TNC: variants seen among roughly 807,000 people sequenced by gnomAD.
TNC encodes tenascin.
A neutral mutation model predicts 202.4 loss-of-function variants in TNC; 109 were observed. That is an observed-to-expected ratio of 0.54 (90% CI 0.46 to 0.63). The LOEUF (loss-of-function observed/expected upper bound fraction) is 0.63. Among genes scored for constraint, TNC ranks in the 30% least tolerant of loss-of-function variants. The pLI is 0.00. For synonymous variants in TNC, 1,007 were observed against 1,089.7 expected (o/e 0.92, Z 1.50); for missense variants, 2,756 against 2,833.3 (o/e 0.97, Z 0.62).
At chr9:115,042,386 T>C in intron 17 of TNC, 45 bp from the exon 18 acceptor site, 1 of 1,604,220 alleles carries the variant, frequency 6.2e-7, no homozygotes, top group Non-Finnish European at 8.5e-7. Flanking sequence ...CAGTTAACTG[T>C]CTTGTTCATC....
intron 6 of TNC, among the ~76,000 whole-genome samples, chr9:115,080,944 C>A (rs895537630): frequency 2.0e-5 from 3 of 151,624 alleles, no homozygotes; most frequent in Non-Finnish European, 4.4e-5. Flanking sequence ...AAATTCAGGT[C>A]TTTTTCTCAC....
At chr9:115,021,455 C>T (rs1829065387) in intron 27 of TNC, among the ~76,000 whole-genome samples, 188 bp from the exon 28 acceptor site, 1 of 152,176 alleles carries the variant, frequency 6.6e-6, no homozygotes, top group Non-Finnish European at 1.5e-5. Context: ...GTTGTGGAAA[C>T]TTTCAAAGGA....
In TNC at chr9:115,051,187, C is replaced by T. The variant is rs117737481; in HGVS notation, c.4580-2655G>A. ...TGAAGTTTTTGCTGCCACCATTTGG[C>T]AGCATTTGCCAAATTGAACATTGGC... On this transcript the variant is annotated intron_variant, in intron 15 of 27. Coordinates refer to ENST00000350763, the MANE Select transcript of TNC (RefSeq NM_002160.4). 2.4e-4 allele frequency among the ~76,000 whole-genome samples: 37 copies of T among 152,200 alleles called. No homozygotes were observed. The East Asian group carries it at 7.0e-3, about 29-fold the overall frequency.
At chr9:115,082,591 C>G in intron 5 of TNC, 101 bp downstream of exon 5, 1 of 800,000 alleles carries the variant, frequency 1.3e-6, no homozygotes, top group Non-Finnish European at 2.0e-6. Flanking sequence ...TGTCCTCCAC[C>G]AAAAACTAAG....
intron 17 of TNC, among the ~76,000 whole-genome samples, chr9:115,044,771 T>C (rs1831050768): frequency 6.6e-6 from 1 of 152,118 alleles, no homozygotes; most frequent in Non-Finnish European, 1.5e-5. Flanking sequence ...GTGTCCCTGT[T>C]AATAAGAAAC....
At chr9:115,061,670 G>A (rs1289843989) in intron 13 of TNC, among the ~76,000 whole-genome samples, 1 of 152,190 alleles carries the variant, frequency 6.6e-6, no homozygotes, top group Non-Finnish European at 1.5e-5. Flanking sequence ...TGAGTGATTT[G>A]GATTGCATTA....
intron 1 of TNC, among the ~76,000 whole-genome samples, chr9:115,108,203 C>T (rs1192352749): frequency 3.3e-5 from 5 of 152,164 alleles, no homozygotes; most frequent in Non-Finnish European, 7.4e-5. Flanking sequence ...TCTAGATGAA[C>T]AAGAGCAAAT....
Position 115,086,966 on chromosome 9 carries a change from G to C in TNC, c.765C>G (p.Pro255=), listed in dbSNP as rs762698966. Residue 255 remains proline, a synonymous_variant, in exon 3 of 28, where the codon CCC becomes CCG. Coordinates refer to ENST00000350763, the MANE Select transcript of TNC (RefSeq NM_002160.4). Reference sequence around the variant, plus strand: ...CACATGTGCCGTGCTCCTCACTGCAGGGCACTGGGCAGATTTCACGGCTGC... The same window carrying C: ...CACATGTGCCGTGCTCCTCACTGCACGGCACTGGGCAGATTTCACGGCTGC... The part of the protein sequence containing the change: ...ADCSREICPV[P]CSEEHGTCVD... 3 of 1,614,210 alleles carry C rather than the reference G, an allele frequency of 1.9e-6. No individual in the cohort carries two copies. In the Admixed American group the frequency reaches 5.0e-5, roughly 27 times the overall value.
intron 10 of TNC, among the ~76,000 whole-genome samples, chr9:115,066,989 A>G (rs1341400085): frequency 2.0e-5 from 3 of 152,148 alleles, no homozygotes; most frequent in African/African-American, 7.2e-5. Context: ...TTTAACCCCG[A>G]CTCATATCCT....
chr9:115,075,964 GCCACATTGA>G, intron 9 of TNC, 59 bp downstream of exon 9: 1 of 1,399,184 alleles, frequency 7.1e-7, no homozygotes, highest in Non-Finnish European at 1.0e-6. Flanking sequence ...ATAGGTTTTG[GCCACATTGA>G]CTCTGTCTCA....
intron 25 of TNC, among the ~76,000 whole-genome samples, chr9:115,028,423 A>G (rs2131601530): frequency 6.6e-6 from 1 of 152,196 alleles, no homozygotes; most frequent in East Asian, 1.9e-4. Flanking sequence ...GCTCTAAGAA[A>G]CCCATCTTAG....
intron 1 of TNC, among the ~76,000 whole-genome samples, chr9:115,092,720 C>T (rs1051713390): frequency 4.0e-5 from 6 of 151,544 alleles, no homozygotes; most frequent in African/African-American, 1.5e-4. Context: ...ATTTCAGGTG[C>T]ACACTGCCAT....
Position 115,049,592 on chromosome 9 carries a change from G to C in TNC, c.4580-1060C>G, listed in dbSNP as rs573248578. Among the ~76,000 whole-genome samples, 6 of 152,124 alleles carry C rather than the reference G, an allele frequency of 3.9e-5. No individual in the cohort carries two copies. The East Asian group carries it at 1.2e-3, about 29-fold the overall frequency. On this transcript the variant is annotated intron_variant, in intron 15 of 27. Transcript: ENST00000350763. ...AGTGATGGCAATCCTGAGGGATAAGGAGGATTAGTGGAGAAGGTTCAGCGT... is the reference window on the plus strand; with the variant it reads ...AGTGATGGCAATCCTGAGGGATAAGCAGGATTAGTGGAGAAGGTTCAGCGT...
chr9:115,060,935 C>T (rs1832494746), intron 13 of TNC, among the ~76,000 whole-genome samples: 1 of 152,126 alleles, frequency 6.6e-6, no homozygotes. Context: ...AGATTTTTCT[C>T]AGTAAATGGT....
At position 115,021,129 on chromosome 9, in the gene TNC, T is replaced by A; in HGVS notation, c.*28A>T. ...ATCCTTTCCTCGCTCTGGGCCTTAT[T>A]CCTCTCTCACCCAGTGGTCCCTGGA... On this transcript the variant is annotated 3_prime_UTR_variant, in exon 28 of 28. Coordinates refer to ENST00000350763, the MANE Select transcript of TNC (RefSeq NM_002160.4). 6.4e-7 allele frequency: 1 copy of A among 1,564,052 alleles called. No individual in the cohort carries two copies. Among genetic ancestry groups the A allele is most frequent in the Non-Finnish European group, 8.8e-7 (1 of 1,135,078 alleles).
chr9:115,084,992 G>A (rs570938485), intron 3 of TNC, among the ~76,000 whole-genome samples: 4 of 152,128 alleles, frequency 2.6e-5, no homozygotes, highest in Non-Finnish European at 4.4e-5. Context: ...CCCTGCTTGC[G>A]CCACATTGAA....
chr9:115,062,608 CAA>C (rs11323889), intron 13 of TNC, among the ~76,000 whole-genome samples: 271 of 114,418 alleles, frequency 2.4e-3, no homozygotes, highest in African/African-American at 4.1e-3. Context: ...GACCCTGACT[CAA>C]AAAAAAAAAA....
At position 115,050,278 on chromosome 9, in the gene TNC, A is replaced by G. The variant is rs149445063; in HGVS notation, c.4580-1746T>C. Among the ~76,000 whole-genome samples, 1,423 of 152,270 alleles carry G rather than the reference A, an allele frequency of 9.3e-3. 22 individuals carry two copies. The highest frequency in any genetic ancestry group is 0.032 in the African/African-American group (1,326 of 41,548). Reference sequence around the variant, plus strand: ...TTCTTTTTTAATATGCTTCTTTTAAAACGCAATCTTTTCACATCATGGATT... The same window carrying G: ...TTCTTTTTTAATATGCTTCTTTTAAGACGCAATCTTTTCACATCATGGATT... On this transcript the variant is annotated intron_variant, in intron 15 of 27. Transcript: ENST00000350763.
In TNC at chr9:115,078,136, CA is replaced by C; in HGVS notation, c.2480del (p.Leu827ArgfsTer9). 1 of 1,614,160 alleles carries C rather than the reference CA, an allele frequency of 6.2e-7. No homozygotes were observed. The highest frequency in any genetic ancestry group is 8.5e-7 in the Non-Finnish European group (1 of 1,180,014). On this transcript the variant is annotated frameshift_variant, in exon 7 of 28. Coordinates refer to ENST00000350763, the MANE Select transcript of TNC (RefSeq NM_002160.4). LOFTEE classifies it high-confidence loss of function. ...TCAGCTCAATGCCATCGATCTCAGC[CA>C]GGGGCTTGAACCAGGTGATCAAGGC... ...TTALITWFKP[L>X]AEIDGIELTY...
Sources: gnomAD v4.1 joint callset for allele counts (sites outside exome capture counted in the v4.1 genomes callset) on GRCh38, gnomAD v4.1.1 for gene constraint, MANE v1.5 for transcripts, NCBI Gene and HGNC (gene_info 2026-07-23, HGNC 2026-07-21) for gene names.